Variants in PALM2AKAP2 observed in about 807,000 individuals in gnomAD.
PALM2AKAP2 encodes PALM2-AKAP2 fusion protein.
Under a neutral mutation model 71.5 loss-of-function variants are expected in PALM2AKAP2, and 37 were observed. The observed-to-expected ratio is 0.52, with a 90% CI of 0.40 to 0.68. PALM2AKAP2 has a LOEUF of 0.68. Among genes scored for constraint, PALM2AKAP2 ranks in the 30% least tolerant of loss-of-function variants. The pLI is 0.00. For synonymous variants in PALM2AKAP2, 468 were observed against 478.8 expected (o/e 0.98, Z 0.29); for missense variants, 1,224 against 1,191.8 (o/e 1.03, Z -0.40).
At chr9:109,879,412 C>A (rs1286209320) in intron 2 of PALM2AKAP2, among the ~76,000 whole-genome samples, 1 of 152,216 alleles carries the variant, frequency 6.6e-6, no homozygotes, top group Non-Finnish European at 1.5e-5. Flanking sequence ...TGACCACTGA[C>A]CTGCCCATGG....
rs74847945 is a variant in PALM2AKAP2, at chr9:109,999,027, C to G, written c.497-16927C>G. On this transcript the variant is annotated intron_variant, in intron 6 of 9. Transcript: ENST00000302798. ...GCCTGGGGTGGGACAGCAGGGAGGA[C>G]AGTCCCTATCTTCAAAGTGCTCAGG... Among the ~76,000 whole-genome samples, 444 of 152,200 alleles carry G rather than the reference C, an allele frequency of 2.9e-3. 2 individuals carry two copies. Among genetic ancestry groups the G allele is most frequent in the African/African-American group, 0.01 (435 of 41,532 alleles).
chr9:110,031,187 A>C (rs1430999243), intron 7 of PALM2AKAP2, among the ~76,000 whole-genome samples: 1 of 152,158 alleles, frequency 6.6e-6, no homozygotes, highest in Non-Finnish European at 1.5e-5. Flanking sequence ...CAGTGGCGCC[A>C]TCTTGGCTCA....
At chr9:110,166,458 T>A (rs1185869218) in intron 3 of PALM2AKAP2, among the ~76,000 whole-genome samples, 1 of 152,216 alleles carries the variant, frequency 6.6e-6, no homozygotes, top group Non-Finnish European at 1.5e-5. Context: ...GACTTCCACG[T>A]GCAGTCCAGT....
intron 3 of PALM2AKAP2, among the ~76,000 whole-genome samples, chr9:109,911,242 A>C (rs1407666816): frequency 1.3e-5 from 2 of 152,188 alleles, no homozygotes; most frequent in African/African-American, 2.4e-5. Flanking sequence ...AAATGAAATA[A>C]TCTCACTTTC....
At chr9:109,923,224 GCAGTAGAATC>G in intron 3 of PALM2AKAP2, among the ~76,000 whole-genome samples, 1 of 152,222 alleles carries the variant, frequency 6.6e-6, no homozygotes, top group Non-Finnish European at 1.5e-5. Flanking sequence ...CTTCTTTTTG[GCAGTAGAATC>G]CAGACCACAG....
At chr9:109,886,596 C>T (rs1829972010) in intron 3 of PALM2AKAP2, among the ~76,000 whole-genome samples, 1 of 152,170 alleles carries the variant, frequency 6.6e-6, no homozygotes, top group African/African-American at 2.4e-5. Flanking sequence ...TTAATTCTAG[C>T]TCTGCTGATC....
intron 1 of PALM2AKAP2, among the ~76,000 whole-genome samples, chr9:110,109,826 A>C (rs936608189): frequency 6.6e-6 from 1 of 152,200 alleles, no homozygotes; most frequent in Non-Finnish European, 1.5e-5. Context: ...TTTTAAAAAA[A>C]AAGTTCAGTC....
At chr9:110,011,779 C>G (rs889435805) in intron 6 of PALM2AKAP2, among the ~76,000 whole-genome samples, 5 of 152,102 alleles carry the variant, frequency 3.3e-5, no homozygotes, top group African/African-American at 1.2e-4. Flanking sequence ...TGTCCTCCTT[C>G]GACTCCACAT....
intron 1 of PALM2AKAP2, among the ~76,000 whole-genome samples, chr9:110,079,026 G>A (rs975307686): frequency 2.0e-5 from 3 of 152,202 alleles, no homozygotes; most frequent in African/African-American, 7.2e-5. Context: ...GAATAAGGAT[G>A]TTTTCTTTTA....
At chr9:109,640,936 G>C in intron 1 of PALM2AKAP2, 2 of 1,461,152 alleles carry the variant, frequency 1.4e-6, no homozygotes, top group Non-Finnish European at 1.8e-6. Context: ...CGCGGCGGCA[G>C]GCAGATCCCG....
At chr9:109,943,613 C>A in intron 6 of PALM2AKAP2, 1 of 732,406 alleles carries the variant, frequency 1.4e-6, no homozygotes, top group Non-Finnish European at 2.2e-6. Flanking sequence ...CATGTGTGTG[C>A]TTCATTCTCT....
Position 109,871,596 on chromosome 9 carries a change from G to C in PALM2AKAP2, c.126+4025G>C, listed in dbSNP as rs1243187051. 3.3e-5 allele frequency among the ~76,000 whole-genome samples: 5 copies of C among 152,138 alleles called. No homozygotes were observed. The East Asian group carries it at 9.6e-4, about 29-fold the overall frequency. ...ACCATTCAGATAGAACCCATGCAGA[G>C]GTAAATCCTTCTATACTTTTTTCCC... On this transcript the variant is annotated intron_variant, in intron 2 of 9. Coordinates refer to the PALM2AKAP2 transcript ENST00000302798.
chr9:109,750,570 ACG>A lies in PALM2AKAP2; in HGVS notation c.6-29917_6-29916del, dbSNP rs1491533089. Among the ~76,000 whole-genome samples the A allele has an allele frequency of 4.4e-3, 430 of 97,844 alleles. 2 individuals carry two copies. Among genetic ancestry groups the A allele is most frequent in the African/African-American group, 0.015 (386 of 25,340 alleles). 64.2% of individuals were successfully genotyped at this position (97,844 alleles called of 152,430 possible). Reference sequence around the variant, plus strand: ...CTCATCCTCAGAGCTCTGCCCTAGGACGTGTGTGTGTGTGTGTGTGTGTGTGT... The same window carrying A: ...CTCATCCTCAGAGCTCTGCCCTAGGATGTGTGTGTGTGTGTGTGTGTGTGT... On this transcript the variant is annotated intron_variant, in intron 1 of 6. Coordinates refer to the PALM2AKAP2 transcript ENST00000374531.
chr9:109,940,630 C>G (rs1213500620), intron 6 of PALM2AKAP2, among the ~76,000 whole-genome samples: 1 of 152,038 alleles, frequency 6.6e-6, no homozygotes, highest in East Asian at 1.9e-4. Context: ...CAATGACAAG[C>G]AGATGGGCTA....
chr9:110,101,776 C>T (rs1220487984), intron 1 of PALM2AKAP2, among the ~76,000 whole-genome samples: 3 of 152,348 alleles, frequency 2.0e-5, no homozygotes, highest in Non-Finnish European at 4.4e-5. Flanking sequence ...GGAATTTCAG[C>T]TGAGGTTAAT....
intron 7 of PALM2AKAP2, among the ~76,000 whole-genome samples, chr9:110,040,026 A>G (rs1833484195): frequency 6.6e-6 from 1 of 152,096 alleles, no homozygotes; most frequent in African/African-American, 2.4e-5. Context: ...ATACAAAGAA[A>G]GGAAGTACAA....
chr9:110,154,534 T>G (rs936286898), intron 2 of PALM2AKAP2, among the ~76,000 whole-genome samples: 1 of 152,340 alleles, frequency 6.6e-6, no homozygotes, highest in Non-Finnish European at 1.5e-5. Context: ...TGATAAATGT[T>G]TACTCTGGGT....
At chr9:110,002,549 A>G (rs1332015086) in intron 6 of PALM2AKAP2, among the ~76,000 whole-genome samples, 2 of 152,146 alleles carry the variant, frequency 1.3e-5, no homozygotes. Flanking sequence ...GCCTCATAAA[A>G]TGAGTTAGGG....
At chr9:109,960,620 GA>G (rs879525630) in intron 6 of PALM2AKAP2, among the ~76,000 whole-genome samples, 1 of 151,746 alleles carries the variant, frequency 6.6e-6, no homozygotes, top group Non-Finnish European at 1.5e-5. Flanking sequence ...TCTTTAAAAA[GA>G]AAAAAAAGAT....
Sources: allele counts gnomAD v4.1 joint callset (sites outside exome capture counted in the v4.1 genomes callset), GRCh38; gene constraint gnomAD v4.1.1; transcripts MANE v1.5; gene names NCBI Gene and HGNC (gene_info 2026-07-23, HGNC 2026-07-21).